PZP: variants seen among roughly 807,000 people sequenced by gnomAD.
The protein encoded by PZP is PZP alpha-2-macroglobulin like, also known as pregnancy zone protein.
A neutral mutation model predicts 179.8 loss-of-function variants in PZP; 150 were observed. The ratio of observed to expected loss-of-function variants is 0.83; its 90% CI spans 0.73 to 0.96. PZP has a LOEUF of 0.96. PZP is among the 40% of genes least tolerant of loss of function. The probability of loss-of-function intolerance (pLI) is 0.00; values close to 1 mark genes in which losing one functional copy is unlikely to be tolerated. For synonymous variants in PZP, 624 were observed against 652.3 expected (o/e 0.96, Z 0.66); for missense variants, 1,689 against 1,764.0 (o/e 0.96, Z 0.76).
intron 10 of PZP, among the ~76,000 whole-genome samples, chr12:9,195,353 T>C (rs1028619890): frequency 6.6e-6 from 1 of 152,080 alleles, no homozygotes; most frequent in African/African-American, 2.4e-5. Flanking sequence ...AAAATACACA[T>C]GAGAATGTTT....
At position 9,170,446 on chromosome 12, in the gene PZP, A is replaced by G. The variant is rs1341438987; in HGVS notation, c.1840-855T>C. ...GGAAAGGCAGGAAATCTGTTTGTATATATCCCTAGGAAGGGGGCTAAATTC... is the reference window on the plus strand; with the variant it reads ...GGAAAGGCAGGAAATCTGTTTGTATGTATCCCTAGGAAGGGGGCTAAATTC... On this transcript the variant is annotated intron_variant, in intron 15 of 35. Transcript: ENST00000261336. The surrounding 1 kb of genome is among the most constrained non-coding windows in gnomAD (Gnocchi z 4.6). 2.6e-5 allele frequency among the ~76,000 whole-genome samples: 4 copies of G among 152,158 alleles called. No homozygotes were observed. The highest frequency in any genetic ancestry group is 4.8e-5 in the African/African-American group (2 of 41,442).
At chr12:9,139,203 G>A in the PZP span, among the ~76,000 whole-genome samples, 1 of 152,014 alleles carries the variant, frequency 6.6e-6, no homozygotes, top group Non-Finnish European at 1.5e-5. Flanking sequence ...TCAAGAGTCT[G>A]TTGTTTAATA....
chr12:9,188,598 C>T (rs940716217), intron 13 of PZP, among the ~76,000 whole-genome samples: 3 of 152,104 alleles, frequency 2.0e-5, no homozygotes, highest in Non-Finnish European at 2.9e-5. Context: ...TGTTTGCAGA[C>T]GACATGATTT....
intron 15 of PZP, chr12:9,169,796 C>T (rs1335973706): frequency 4.6e-6 from 2 of 432,340 alleles, no homozygotes; most frequent in Non-Finnish European, 7.8e-6. Context: ...GAAAATGCTT[C>T]CAAAGATTAA....
intron 3 of PZP, 21 bp from the exon 4 acceptor site, chr12:9,202,392 T>C: frequency 6.2e-7 from 1 of 1,614,100 alleles, no homozygotes; most frequent in Non-Finnish European, 8.5e-7. Context: ...AGTTCTCCGA[T>C]AAGATTCAGA....
At chr12:9,185,165 A>C (rs1943023889) in intron 13 of PZP, among the ~76,000 whole-genome samples, 1 of 152,224 alleles carries the variant, frequency 6.6e-6, no homozygotes, top group Non-Finnish European at 1.5e-5. Flanking sequence ...AACCTAATCT[A>C]AGGAAGCTAA....
Position 9,149,576 on chromosome 12 carries a change from C to T in PZP, c.4411G>A (p.Ala1471Thr), listed in dbSNP as rs769865530. The change falls in exon 35 of 36, where the codon GCC (alanine) becomes ACC (threonine). Residue 1471 changes from alanine (A) to threonine (T), a missense_variant. Coordinates refer to ENST00000261336, the MANE Select transcript of PZP (RefSeq NM_002864.3). ...TDESVVAEYI[A>T]PCSTDTEHGN... ...GAACTCTTACCTGTGCTGCAGGGGG[C>T]GATATACTCAGCAACCACAGACTCA... 1.9e-5 allele frequency: 30 copies of T among 1,611,478 alleles called. No individual in the cohort carries two copies. Among genetic ancestry groups the T allele is most frequent in the Middle Eastern group, 1.6e-4 (1 of 6,068 alleles).
At chr12:9,137,098 T>C in the PZP span, among the ~76,000 whole-genome samples, 1 of 152,202 alleles carries the variant, frequency 6.6e-6, no homozygotes, top group Non-Finnish European at 1.5e-5. Flanking sequence ...CAAGAAATCA[T>C]TGCCAAGACC....
At chr12:9,160,774 G>GC (rs1941134882) in intron 23 of PZP, among the ~76,000 whole-genome samples, 1 of 152,054 alleles carries the variant, frequency 6.6e-6, no homozygotes, top group Non-Finnish European at 1.5e-5. Flanking sequence ...AATTAGCCGG[G>GC]CGTGGTGGCG....
Position 9,164,213 on chromosome 12 carries a change from T to G in PZP, c.2534A>C (p.Asn845Thr), listed in dbSNP as rs772782335. ...KASPAFLASQ[N>T]TKGEESYCIC... Reference sequence around the variant, plus strand: ...ACAATAGGATTCTTCTCCCTTTGTATTTTGGGAAGCTAGGAAGGCTGGAGA... The same window carrying G: ...ACAATAGGATTCTTCTCCCTTTGTAGTTTGGGAAGCTAGGAAGGCTGGAGA... The change falls in exon 20 of 36, where the codon AAT (asparagine) becomes ACT (threonine). Residue 845 changes from asparagine to threonine, a missense_variant. Asn to Thr is a moderately conservative substitution (Grantham distance 65). This residue lies in a region of PZP where 201 missense variants were observed against 284.2 expected (regional missense o/e 0.71). Coordinates refer to ENST00000261336, the MANE Select transcript of PZP (RefSeq NM_002864.3). 2 of 1,611,726 alleles carry G rather than the reference T, an allele frequency of 1.2e-6. No individual in the cohort carries two copies. Among genetic ancestry groups the G allele is most frequent in the African/African-American group, 2.7e-5 (2 of 74,876 alleles).
At position 9,154,606 on chromosome 12, in the gene PZP, A is replaced by G. The variant is rs772465063; in HGVS notation, c.3774+10T>C. 1.2e-6 allele frequency: 2 copies of G among 1,612,854 alleles called. No individual in the cohort carries two copies. The highest frequency in any genetic ancestry group is 4.5e-5 in the East Asian group (2 of 44,866). Reference sequence around the variant, plus strand: ...AACCTGGAGCAGAAGACTCTTTGGGAACCACTGACCTGGGTGGAGGAGAAA... The same window carrying G: ...AACCTGGAGCAGAAGACTCTTTGGGGACCACTGACCTGGGTGGAGGAGAAA... On this transcript the variant is annotated intron_variant, in intron 29 of 35. Transcript: ENST00000261336.
chr12:9,186,408 T>C (rs1943121119), intron 13 of PZP, among the ~76,000 whole-genome samples: 1 of 152,094 alleles, frequency 6.6e-6, no homozygotes, highest in African/African-American at 2.4e-5. Context: ...ATCTCAATAT[T>C]AACCTCTAAT....
intron 1 of PZP, among the ~76,000 whole-genome samples, chr12:9,204,530 T>C (rs1228272178): frequency 6.6e-6 from 1 of 152,140 alleles, no homozygotes; most frequent in Non-Finnish European, 1.5e-5. Context: ...TGAAAAAAAG[T>C]ATTTGCTGTT....
chr12:9,183,279 T>C (rs1565650452), intron 13 of PZP, among the ~76,000 whole-genome samples: 1 of 152,218 alleles, frequency 6.6e-6, no homozygotes, highest in Non-Finnish European at 1.5e-5. Context: ...ATTTTAGCTG[T>C]TCTTGCCACA....
chr12:9,151,695 A>T (rs1297870392), intron 32 of PZP, 23 bp from the exon 33 acceptor site: 2 of 1,594,702 alleles, frequency 1.3e-6, no homozygotes, highest in South Asian at 2.2e-5. Flanking sequence ...AGAAAACTTC[A>T]GTTAAAGTTA....
At chr12:9,191,218 T>A (rs1178870182) in intron 13 of PZP, among the ~76,000 whole-genome samples, 1 of 152,084 alleles carries the variant, frequency 6.6e-6, no homozygotes, top group African/African-American at 2.4e-5. Context: ...ATCAAATAAA[T>A]GTTTTAAAAC....
In PZP at chr12:9,169,069, C is replaced by A. The variant is rs1941796009; in HGVS notation, c.2002-95G>T. 5 of 854,556 alleles carry A rather than the reference C, an allele frequency of 5.9e-6. No individual in the cohort carries two copies. In the South Asian group the frequency reaches 7.1e-5, roughly 12 times the overall value. The allele number at this position is 854,556 out of a possible 1,614,324, so 52.9% of individuals were successfully genotyped here. The stretch of plus-strand genomic sequence containing the variant: ...GACTTCTCTATGTAATTCCAGTATC[C>A]TTATATTAATTCTATGGCGAAACAC... On this transcript the variant is annotated intron_variant, in intron 16 of 35. Transcript: ENST00000261336.
At chr12:9,161,233 C>CT (rs1941182515) in intron 22 of PZP, 117 bp from the exon 23 acceptor site, 5 of 788,142 alleles carry the variant, frequency 6.3e-6, no homozygotes, top group Non-Finnish European at 9.8e-6. Flanking sequence ...ACTGGCCCTG[C>CT]TTTGTGACCT....
chr12:9,207,983 A>G (rs1944525575), intron 1 of PZP, among the ~76,000 whole-genome samples: 1 of 152,176 alleles, frequency 6.6e-6, no homozygotes, highest in East Asian at 1.9e-4. Context: ...TTCCATCCAA[A>G]AGAACTGTTC....
Sources: gnomAD v4.1 joint callset for allele counts (sites outside exome capture counted in the v4.1 genomes callset) on GRCh38, gnomAD v4.1.1 for gene constraint, gnomAD v4.1.1 regional missense constraint, Gnocchi (gnomAD v3.1) non-coding constraint, MANE v1.5 for transcripts, NCBI Gene and HGNC (gene_info 2026-07-23, HGNC 2026-07-21) for gene names.